The following CACNA1C variants were observed in gnomAD, a reference collection of about 807,000 sequenced individuals.
The protein encoded by CACNA1C is calcium voltage-gated channel subunit alpha1 C.
CACNA1C carries 30 observed loss-of-function variants against 229.0 expected under a neutral mutation model. That is an observed-to-expected ratio of 0.13 (90% CI 0.10 to 0.18). CACNA1C has a LOEUF of 0.18. Among genes scored for constraint, CACNA1C ranks in the 10% least tolerant of loss-of-function variants. CACNA1C has a pLI of 1.00. For missense variants in CACNA1C, 1,658 were observed against 2,845.0 expected, an observed-to-expected ratio of 0.58 and a Z score of 9.49; for synonymous variants, 1,114 against 1,132.5, an observed-to-expected ratio of 0.98 and a Z score of 0.33.
At chr12:2,349,603 G>T (rs1006763608) in intron 3 of CACNA1C, among the ~76,000 whole-genome samples, 5 of 152,062 alleles carry the variant, frequency 3.3e-5, no homozygotes, top group African/African-American at 1.2e-4. Flanking sequence ...ATTGCCATGG[G>T]TGTGAAAGGT....
At chr12:2,271,333 G>A (rs1246895651) in intron 3 of CACNA1C, among the ~76,000 whole-genome samples, 1 of 152,208 alleles carries the variant, frequency 6.6e-6, no homozygotes, top group Non-Finnish European at 1.5e-5. Flanking sequence ...TCCCTTTTGA[G>A]AAGTGGAGGC....
intron 3 of CACNA1C, among the ~76,000 whole-genome samples, chr12:2,440,610 T>C (rs183587955): frequency 3.7e-4 from 56 of 152,310 alleles, no homozygotes; most frequent in Non-Finnish European, 7.2e-4. Context: ...GCAAGCAGGC[T>C]TTTACCTGCC....
intron 1 of CACNA1C, among the ~76,000 whole-genome samples, chr12:2,111,277 A>G (rs1447634857): frequency 6.6e-6 from 1 of 152,186 alleles, no homozygotes; most frequent in Non-Finnish European, 1.5e-5. Flanking sequence ...AGGGCTCAGA[A>G]GGCAGCCCAC....
chr12:2,041,092 T>C (rs2049996197), intron 1 of CACNA1C, among the ~76,000 whole-genome samples: 1 of 152,090 alleles, frequency 6.6e-6, no homozygotes, highest in African/African-American at 2.4e-5. Context: ...AAAAATTCCA[T>C]CTCAAACATT....
At chr12:2,136,491 A>C (rs1054492499) in intron 3 of CACNA1C, among the ~76,000 whole-genome samples, 4 of 151,364 alleles carry the variant, frequency 2.6e-5, no homozygotes, top group Non-Finnish European at 5.9e-5. Context: ...CCCCCAACTA[A>C]GGTATAAATG....
At chr12:2,522,661 G>A (rs759600401) in intron 9 of CACNA1C, among the ~76,000 whole-genome samples, 6 of 152,128 alleles carry the variant, frequency 3.9e-5, no homozygotes, top group East Asian at 1.9e-4. Context: ...ACTGTATGGC[G>A]TCAACTTTTA....
intron 6 of CACNA1C, among the ~76,000 whole-genome samples, chr12:2,490,356 G>A (rs184375439): frequency 3.3e-5 from 5 of 152,222 alleles, no homozygotes; most frequent in East Asian, 1.9e-4. Context: ...AGAGTGCAGG[G>A]AATGCTGTCA....
intron 1 of CACNA1C, among the ~76,000 whole-genome samples, chr12:2,072,978 A>G (rs2061898073): frequency 6.6e-6 from 1 of 152,146 alleles, no homozygotes; most frequent in Non-Finnish European, 1.5e-5. Context: ...AGATACGTTG[A>G]TGAATAAAAC....
chr12:1,977,856 T>C (rs903278578), intron 1 of CACNA1C, among the ~76,000 whole-genome samples: 2 of 152,250 alleles, frequency 1.3e-5, no homozygotes, highest in Non-Finnish European at 2.9e-5. Flanking sequence ...ACAGGTACAC[T>C]TTAACTTTGG....
chr12:2,449,018 G>A lies in CACNA1C; in HGVS notation c.520G>A (p.Ala174Thr). 3.7e-6 allele frequency: 6 copies of A among 1,609,032 alleles called. No individual in the cohort carries two copies. The highest frequency in any genetic ancestry group is 4.3e-6 in the Non-Finnish European group (5 of 1,176,214). Residue 174 changes from alanine (A) to threonine (T), a missense_variant, in exon 4 of 47, where the codon GCG becomes ACG. Physicochemically the swap from Ala to Thr is moderately conservative, Grantham distance 58 (BLOSUM62 0). Coordinates refer to ENST00000399655, the MANE Select transcript of CACNA1C (RefSeq NM_000719.7). Reference sequence around the variant, plus strand: ...CTTTCTCATAATTTTTACGGTGGAAGCGTTTTTAAAAGTAATCGCCTATGG... The same window carrying A: ...CTTTCTCATAATTTTTACGGTGGAAACGTTTTTAAAAGTAATCGCCTATGG... ...YLFLIIFTVE[A>T]FLKVIAYGLL...
chr12:2,004,482 T>G, intron 1 of CACNA1C: 1 of 1,550,246 alleles, frequency 6.5e-7, no homozygotes, highest in South Asian at 1.2e-5. Flanking sequence ...CCACTCTCAA[T>G]AGATCGCAGA....
rs1422471586 is a variant in CACNA1C at position 2,467,749 on chromosome 12, T to TC, written c.757+10047dup. 6.6e-6 allele frequency among the ~76,000 whole-genome samples: 1 copy of TC among 152,120 alleles called. No individual in the cohort carries two copies. The highest frequency in any genetic ancestry group is 1.5e-5 in the Non-Finnish European group (1 of 68,010). On this transcript the variant is annotated intron_variant, in intron 5 of 46. Transcript: ENST00000399655. This position sits in a 1 kb window ranked among gnomAD's most constrained non-coding sequence, Gnocchi z 4.6. ...CTGATCTCCCAGTGTGGACGGTCTT[T>TC]CCCCTTGACTGCTGCATCCCCAGTT...
intron 3 of CACNA1C, among the ~76,000 whole-genome samples, chr12:2,138,022 A>T (rs2093731307): frequency 6.6e-6 from 1 of 151,546 alleles, no homozygotes; most frequent in South Asian, 2.1e-4. Context: ...CAGCGAGTGT[A>T]GCTGCTGAGT....
At chr12:2,085,427 A>C in intron 1 of CACNA1C, among the ~76,000 whole-genome samples, 1 of 152,190 alleles carries the variant, frequency 6.6e-6, no homozygotes. Context: ...AAGTAAATGC[A>C]CTATCTCCAC....
At chr12:2,669,845 C>T (rs954329716) in intron 38 of CACNA1C, among the ~76,000 whole-genome samples, 1 of 152,176 alleles carries the variant, frequency 6.6e-6, no homozygotes. Flanking sequence ...TGGAGGGGCC[C>T]TTCTAGTTTT....
In CACNA1C at chr12:2,605,955, G is replaced by A. The variant is rs534478254; in HGVS notation, c.3156+169G>A. 2.0e-5 allele frequency among the ~76,000 whole-genome samples: 3 copies of A among 152,300 alleles called. No homozygotes were observed. The highest frequency in any genetic ancestry group is 2.1e-4 in the South Asian group (1 of 4,820). ...AACCTTCAGACCAGGGTAGGGAGGC[G>A]CTAGAAGGAGGCATCGGGCCACCAG... On this transcript the variant is annotated intron_variant, in intron 24 of 46. Coordinates refer to ENST00000399655, the MANE Select transcript of CACNA1C (RefSeq NM_000719.7). The surrounding 1 kb of genome is among the most constrained non-coding windows in gnomAD (Gnocchi z 6.2).
chr12:2,161,554 C>A (rs578053410), intron 3 of CACNA1C, among the ~76,000 whole-genome samples: 2 of 152,258 alleles, frequency 1.3e-5, no homozygotes, highest in East Asian at 3.9e-4. Flanking sequence ...AATGCTTCGG[C>A]AAGGCAAACG....
chr12:2,172,586 G>A (rs1294187849), intron 3 of CACNA1C, among the ~76,000 whole-genome samples: 1 of 152,188 alleles, frequency 6.6e-6, no homozygotes, highest in African/African-American at 2.4e-5. Flanking sequence ...GAGGACCCAC[G>A]GAGAAGTTGG....
intron 10 of CACNA1C, 83 bp from the exon 11 acceptor site, chr12:2,556,868 T>C: frequency 8.5e-7 from 1 of 1,182,850 alleles, no homozygotes. Flanking sequence ...CTGGGGAACA[T>C]CAAATTTCCC....
Sources: gnomAD v4.1 joint callset for allele counts (sites outside exome capture counted in the v4.1 genomes callset) on GRCh38, gnomAD v4.1.1 for gene constraint, Gnocchi (gnomAD v3.1) non-coding constraint, MANE v1.5 for transcripts, NCBI Gene and HGNC (gene_info 2026-07-23, HGNC 2026-07-21) for gene names.